SNX29: variants seen among roughly 807,000 people sequenced by gnomAD.
SNX29 encodes sorting nexin 29.
A neutral mutation model predicts 102.1 loss-of-function variants in SNX29; 78 were observed. That is an observed-to-expected ratio of 0.76 (90% CI 0.64 to 0.92). The LOEUF (loss-of-function observed/expected upper bound fraction) is 0.92, where lower values mean the gene tolerates loss of function less well. Among genes scored for constraint, SNX29 ranks in the 40% least tolerant of loss-of-function variants. The pLI is 0.00. For synonymous variants in SNX29, 580 were observed against 414.5 expected, an observed-to-expected ratio of 1.40 and a Z score of -4.85; for missense variants, 1,280 against 1,061.7, an observed-to-expected ratio of 1.21 and a Z score of -2.86.
rs547343328 is a variant in SNX29 at position 12,063,763 on chromosome 16, A to G, written c.1243+2117A>G. Among the ~76,000 whole-genome samples the G allele has an allele frequency of 5.4e-5, 8 of 147,434 alleles. No homozygotes were observed. In the Admixed American group the frequency reaches 5.6e-4, roughly 10 times the overall value. ...CTCAGTCACATGACCTTCCATACCA[A>G]CTGGAATTTCTCATGGGTCTCAGTT... is the stretch of plus-strand genomic sequence containing the variant. On this transcript the variant is annotated intron_variant, in intron 9 of 20. Transcript: ENST00000566228.
intron 15 of SNX29, among the ~76,000 whole-genome samples, chr16:12,293,916 T>C (rs1038565343): frequency 2.2e-4 from 34 of 152,326 alleles, no homozygotes; most frequent in Middle Eastern, 6.8e-3. Flanking sequence ...GTGATCCTTA[T>C]AGCTACTCTG....
intron 19 of SNX29, among the ~76,000 whole-genome samples, chr16:12,499,964 A>G (rs955639274): frequency 1.2e-4 from 18 of 152,136 alleles, no homozygotes; most frequent in Admixed American, 7.9e-4. Context: ...GGTATGAGCC[A>G]TGGTGCCCAG....
intron 20 of SNX29, among the ~76,000 whole-genome samples, chr16:12,535,463 G>C (rs2077048837): frequency 6.6e-6 from 1 of 152,122 alleles, no homozygotes; most frequent in South Asian, 2.1e-4. Flanking sequence ...TCCTTTCTTT[G>C]AGGTTAGTGT....
At chr16:12,558,133 G>A (rs2078487610) in intron 20 of SNX29, among the ~76,000 whole-genome samples, 2 of 152,142 alleles carry the variant, frequency 1.3e-5, no homozygotes, top group Admixed American at 6.5e-5. Flanking sequence ...CAGCATTCAG[G>A]GATAATCCTT....
intron 14 of SNX29, among the ~76,000 whole-genome samples, chr16:12,259,811 C>T (rs551655142): frequency 6.6e-6 from 1 of 152,230 alleles, no homozygotes; most frequent in South Asian, 2.1e-4. Flanking sequence ...CCCTCCCAGC[C>T]CTCCCCATGT....
chr16:12,524,990 A>T, intron 20 of SNX29, 149 bp downstream of exon 20: 1 of 1,155,038 alleles, frequency 8.7e-7, no homozygotes, highest in South Asian at 1.6e-5. Flanking sequence ...CCAGGTGCCA[A>T]AGTGGAGGTT....
chr16:12,446,305 C>G (rs1204301708), intron 18 of SNX29, among the ~76,000 whole-genome samples: 2 of 152,234 alleles, frequency 1.3e-5, no homozygotes, highest in Admixed American at 1.3e-4. Context: ...ATCCACCCGC[C>G]TTGGCCTCCC....
chr16:12,197,173 C>T (rs943551760), intron 13 of SNX29, among the ~76,000 whole-genome samples: 2 of 152,136 alleles, frequency 1.3e-5, no homozygotes, highest in African/African-American at 4.8e-5. Context: ...TCTATAACTG[C>T]CTTTCTTTCC....
chr16:12,506,081 C>G (rs1347019252), intron 19 of SNX29, among the ~76,000 whole-genome samples: 1 of 152,216 alleles, frequency 6.6e-6, no homozygotes, highest in Non-Finnish European at 1.5e-5. Context: ...ATGCCTCAGC[C>G]TTCTGAGTAG....
At position 12,370,962 on chromosome 16, in the gene SNX29, G is replaced by A. The variant is rs538887108; in HGVS notation, c.1899+14683G>A. On this transcript the variant is annotated intron_variant, in intron 16 of 20. Transcript: ENST00000566228. ...GGAAATAACCTCTTCTTGAGGGGTG[G>A]GCACCACCTTGGTATTACCTACACC... Among the ~76,000 whole-genome samples, 293 of 152,284 alleles carry A rather than the reference G, an allele frequency of 1.9e-3. 1 individual carries two copies. Among genetic ancestry groups the A allele is most frequent in the African/African-American group, 6.7e-3 (277 of 41,546 alleles).
intron 1 of SNX29, among the ~76,000 whole-genome samples, chr16:11,994,180 C>T (rs1285076444): frequency 7.2e-5 from 11 of 152,244 alleles, no homozygotes; most frequent in East Asian, 1.9e-4. Context: ...CTGACTTTCC[C>T]GTGCACATGA....
intron 9 of SNX29, 89 bp from the exon 10 acceptor site, chr16:12,068,968 A>T: frequency 1.6e-6 from 2 of 1,251,320 alleles, no homozygotes; most frequent in South Asian, 2.7e-5. Flanking sequence ...GATGTAGCAG[A>T]TGAGCCAATG....
In SNX29 at chr16:12,570,432, A is replaced by G. The variant is rs1229077191; in HGVS notation, c.*1803A>G. On this transcript the variant is annotated 3_prime_UTR_variant, in exon 21 of 21. Transcript: ENST00000566228. ...GCTCACATGACTGGCAACTCTAAAT[A>G]GAGAGCCCTAATGGACTGAGGCAGG... The G allele has an allele frequency of 1.2e-5, 3 of 246,812 alleles. No homozygotes were observed. The highest frequency in any genetic ancestry group is 6.0e-5 in the East Asian group (1 of 16,600). The allele number at this position is 246,812 out of a possible 1,614,324, so 15.3% of individuals were successfully genotyped here. A position where few individuals can be genotyped will look rare whatever the true frequency, so the allele number is the denominator to read the frequency against.
At chr16:12,336,523 T>G (rs1287311829) in intron 15 of SNX29, among the ~76,000 whole-genome samples, 1 of 152,254 alleles carries the variant, frequency 6.6e-6, no homozygotes, top group Non-Finnish European at 1.5e-5. Flanking sequence ...ATTGGAATAC[T>G]GTGTTTTCTC....
intron 14 of SNX29, among the ~76,000 whole-genome samples, chr16:12,214,414 A>C (rs1198377380): frequency 6.6e-6 from 1 of 152,064 alleles, no homozygotes; most frequent in African/African-American, 2.4e-5. Flanking sequence ...CTGTCCTGGG[A>C]GCTGACAGGT....
At chr16:12,291,608 A>G (rs1218493256) in intron 15 of SNX29, among the ~76,000 whole-genome samples, 1 of 152,210 alleles carries the variant, frequency 6.6e-6, no homozygotes. Flanking sequence ...GTTCACATTC[A>G]TAGGAAACAG....
chr16:12,530,221 C>G (rs569199689), intron 20 of SNX29, among the ~76,000 whole-genome samples: 1 of 152,300 alleles, frequency 6.6e-6, no homozygotes, highest in South Asian at 2.1e-4. Flanking sequence ...GGCTCTTCCA[C>G]TGAGGAGGAA....
intron 19 of SNX29, among the ~76,000 whole-genome samples, chr16:12,507,090 A>T (rs772156313): frequency 6.6e-6 from 1 of 152,204 alleles, no homozygotes; most frequent in Non-Finnish European, 1.5e-5. Flanking sequence ...CTAAGTGCTC[A>T]CTTTGTGTTG....
intron 20 of SNX29, among the ~76,000 whole-genome samples, chr16:12,525,704 C>T (rs996046190): frequency 2.4e-5 from 3 of 127,580 alleles, no homozygotes; most frequent in East Asian, 5.8e-4. Context: ...CCCCACCCCC[C>T]CCCCCAAAAA....
Sources: gnomAD v4.1 joint callset for allele counts (sites outside exome capture counted in the v4.1 genomes callset) on GRCh38, gnomAD v4.1.1 for gene constraint, MANE v1.5 for transcripts, NCBI Gene and HGNC (gene_info 2026-07-23, HGNC 2026-07-21) for gene names.